The following RELN variants were observed in gnomAD, a reference collection of about 807,000 sequenced individuals.
RELN encodes the protein reelin.
A neutral mutation model predicts 427.6 loss-of-function variants in RELN; 108 were observed. The observed-to-expected ratio is 0.25, with a 90% CI of 0.22 to 0.30. The LOEUF is 0.30. Among genes scored for constraint, RELN ranks in the 10% least tolerant of loss-of-function variants. RELN has a pLI of 1.00. For synonymous variants in RELN, 1,524 were observed against 1,513.4 expected (o/e 1.01, Z -0.16); for missense variants, 3,715 against 4,302.8 (o/e 0.86, Z 3.82).
rs1829390747 is a variant in RELN at position 103,510,978 on chromosome 7, T to C, written c.8147A>G (p.Asp2716Gly). Residue 2716 changes from aspartate to glycine, a missense_variant, in exon 51 of 65, where the codon GAT becomes GGT. By Grantham distance (94) the Asp-to-Gly change is moderately conservative. Transcript: ENST00000428762. The stretch of plus-strand genomic sequence containing the variant: ...GTCACAGAATCTTTCTACTGTACAA[T>C]CATCATGGAATAGCCAGTGCTCATT... ...SVNEHWLFHDDCTVERFCDSP... is the reference protein window; with the variant it reads ...SVNEHWLFHDGCTVERFCDSP... 3 of 1,613,750 alleles carry C rather than the reference T, an allele frequency of 1.9e-6. No homozygotes were observed. The highest frequency in any genetic ancestry group is 2.7e-5 in the African/African-American group (2 of 75,024).
chr7:103,756,631 C>T (rs1044191902), intron 4 of RELN, among the ~76,000 whole-genome samples: 1 of 152,114 alleles, frequency 6.6e-6, no homozygotes, highest in African/African-American at 2.4e-5. Context: ...CCAGAATAGA[C>T]ACATAACATT....
At chr7:103,668,260 T>C (rs1833315901) in intron 11 of RELN, among the ~76,000 whole-genome samples, 2 of 152,144 alleles carry the variant, frequency 1.3e-5, no homozygotes. Context: ...CATATAATTA[T>C]ATATGTATAA....
rs1186379400 is a variant in RELN at position 103,824,463 on chromosome 7, G to T, written c.473+9074C>A. Among the ~76,000 whole-genome samples, 1 of 151,960 alleles carries T rather than the reference G, an allele frequency of 6.6e-6. No homozygotes were observed. The highest frequency in any genetic ancestry group is 1.5e-5 in the Non-Finnish European group (1 of 67,986). On this transcript the variant is annotated intron_variant, in intron 3 of 64. Coordinates refer to ENST00000428762, the MANE Select transcript of RELN (RefSeq NM_005045.4). The surrounding 1 kb of genome is among the most constrained non-coding windows in gnomAD (Gnocchi z 4.4). ...TCCTGCTGTCTTTTAAGAAGCTCCT[G>T]ACAATAGCTCCAGGCCCCATATAGG...
At position 103,490,719 on chromosome 7, in the gene RELN, CTGT is replaced by C. The variant is rs780928900; in HGVS notation, c.9551_9553del (p.Asn3184del). 1 of 1,614,142 alleles carries C rather than the reference CTGT, an allele frequency of 6.2e-7. No individual in the cohort carries two copies. Among genetic ancestry groups the C allele is most frequent in the South Asian group, 1.1e-5 (1 of 91,088 alleles). Reference sequence around the variant, plus strand: ...GATGGTGATTCTTTTCCAGCTTGAGCTGTTGACAGAGTTGTAGATGGTGGCTTC... The same window carrying C: ...GATGGTGATTCTTTTCCAGCTTGAGCTGACAGAGTTGTAGATGGTGGCTTC... On this transcript the variant is annotated inframe_deletion, in exon 59 of 65. Transcript: ENST00000428762.
intron 46 of RELN, among the ~76,000 whole-genome samples, chr7:103,530,575 G>T (rs1829916632): frequency 6.6e-6 from 1 of 152,140 alleles, no homozygotes; most frequent in South Asian, 2.1e-4. Context: ...TTGCTTCAAT[G>T]CTTGCTATAA....
intron 8 of RELN, among the ~76,000 whole-genome samples, chr7:103,711,395 T>C (rs1789794263): frequency 6.6e-6 from 1 of 152,092 alleles, no homozygotes; most frequent in Non-Finnish European, 1.5e-5. Context: ...TTCCTACATT[T>C]CAAAAATGTC....
chr7:103,690,159 ATTGTT>A (rs1317661097), intron 10 of RELN, among the ~76,000 whole-genome samples: 2 of 152,058 alleles, frequency 1.3e-5, no homozygotes, highest in East Asian at 3.9e-4. Flanking sequence ...ACTACTATTT[ATTGTT>A]ATTATTTTTA....
intron 10 of RELN, among the ~76,000 whole-genome samples, chr7:103,691,687 C>A (rs1306954308): frequency 6.6e-6 from 1 of 152,020 alleles, no homozygotes; most frequent in Non-Finnish European, 1.5e-5. Context: ...GTGGCGCACA[C>A]CTGTAGTCCC....
At chr7:103,926,327 C>G (rs1795734963) in intron 1 of RELN, among the ~76,000 whole-genome samples, 1 of 152,028 alleles carries the variant, frequency 6.6e-6, no homozygotes, top group Non-Finnish European at 1.5e-5. Context: ...ATCTCTTGAC[C>G]TTGTGATCCA....
rs192833035 is a variant in RELN at position 103,542,512 on chromosome 7, A to G, written c.6671+219T>C. On this transcript the variant is annotated intron_variant, in intron 43 of 64. Transcript: ENST00000428762. ...GATGTTAATTTTTGCCTGTTTAGGT[A>G]TGTTTCCTTTCTGATTAAGTTATTG... Among the ~76,000 whole-genome samples the G allele has an allele frequency of 1.4e-3, 206 of 152,332 alleles. 1 individual carries two copies. The highest frequency in any genetic ancestry group is 4.1e-3 in the South Asian group (20 of 4,830).
intron 1 of RELN, among the ~76,000 whole-genome samples, chr7:103,975,117 T>C (rs1030002881): frequency 1.3e-5 from 2 of 152,234 alleles, no homozygotes; most frequent in Non-Finnish European, 2.9e-5. Context: ...CAAACATTGT[T>C]ATCACAGGTT....
chr7:103,492,785 CAGAT>C (rs1167191189), intron 57 of RELN, among the ~76,000 whole-genome samples: 1 of 152,048 alleles, frequency 6.6e-6, no homozygotes, highest in Non-Finnish European at 1.5e-5. Context: ...AGAAAATAAT[CAGAT>C]AGATAGGGTA....
At chr7:103,627,273 C>A (rs1043352444) in intron 20 of RELN, among the ~76,000 whole-genome samples, 4 of 151,982 alleles carry the variant, frequency 2.6e-5, no homozygotes, top group Non-Finnish European at 5.9e-5. Flanking sequence ...CAATATGCTC[C>A]AAAGGTTTTA....
intron 46 of RELN, 146 bp downstream of exon 46, chr7:103,535,170 G>C (rs1456864463): frequency 2.5e-6 from 2 of 787,452 alleles, no homozygotes; most frequent in Admixed American, 4.0e-5. Flanking sequence ...TACTCATTAA[G>C]ACAGCCTTAA....
At chr7:103,694,505 G>GATGA (rs1562959839) in intron 10 of RELN, among the ~76,000 whole-genome samples, 29 of 107,050 alleles carry the variant, frequency 2.7e-4, no homozygotes, top group African/African-American at 1.2e-3. Context: ...GATGATGATG[G>GATGA]CGACGACGAT....
chr7:103,584,359 G>A (rs565300501), intron 28 of RELN, among the ~76,000 whole-genome samples: 1 of 152,202 alleles, frequency 6.6e-6, no homozygotes, highest in East Asian at 1.9e-4. Flanking sequence ...TCAACATAAA[G>A]GGGTGGAAAA....
chr7:103,965,159 A>AC (rs1796636679), intron 1 of RELN, among the ~76,000 whole-genome samples: 1 of 152,232 alleles, frequency 6.6e-6, no homozygotes, highest in African/African-American at 2.4e-5. Flanking sequence ...ACTTGCATAG[A>AC]CCTTAAGGCC....
At chr7:103,861,446 A>C (rs1794069566) in intron 2 of RELN, among the ~76,000 whole-genome samples, 1 of 152,130 alleles carries the variant, frequency 6.6e-6, no homozygotes, top group Admixed American at 6.6e-5. Flanking sequence ...GGAAATAGGT[A>C]AATTTTAGGT....
At chr7:103,843,944 T>C (rs1168918011) in intron 2 of RELN, among the ~76,000 whole-genome samples, 1 of 152,156 alleles carries the variant, frequency 6.6e-6, no homozygotes, top group Non-Finnish European at 1.5e-5. Context: ...TGGTGGTAGA[T>C]AATCACTTCG....
Sources: gnomAD v4.1 joint callset for allele counts (sites outside exome capture counted in the v4.1 genomes callset) on GRCh38, gnomAD v4.1.1 for gene constraint, Gnocchi (gnomAD v3.1) non-coding constraint, MANE v1.5 for transcripts, NCBI Gene and HGNC (gene_info 2026-07-23, HGNC 2026-07-21) for gene names.